The following PAPSS1 variants were observed in gnomAD, a reference collection of about 807,000 sequenced individuals.
The protein encoded by PAPSS1 is 3'-phosphoadenosine 5'-phosphosulfate synthase 1.
In PAPSS1, 50 loss-of-function variants were observed where a neutral mutation model predicts 72.0. That is an observed-to-expected ratio of 0.69 (90% CI 0.55 to 0.88). The LOEUF is 0.88. Among genes scored for constraint, PAPSS1 ranks in the 40% least tolerant of loss-of-function variants. The pLI, the probability that PAPSS1 is intolerant of heterozygous loss-of-function variation, is 0.00. For missense variants in PAPSS1, 657 were observed against 782.2 expected (o/e 0.84, Z 1.91); for synonymous variants, 261 against 263.6 (o/e 0.99, Z 0.09).
At chr4:107,641,470 C>A (rs2110309392) in intron 10 of PAPSS1, among the ~76,000 whole-genome samples, 1 of 152,306 alleles carries the variant, frequency 6.6e-6, no homozygotes, top group East Asian at 1.9e-4. Context: ...GAATAAAGTT[C>A]TGTTTTTATT....
intron 10 of PAPSS1, among the ~76,000 whole-genome samples, chr4:107,638,104 C>G (rs1279169074): frequency 2.0e-5 from 3 of 152,142 alleles, no homozygotes; most frequent in African/African-American, 7.2e-5. Context: ...TTTTGGTCTT[C>G]TTTGTATTAA....
At chr4:107,637,478 C>T (rs1726418801) in intron 10 of PAPSS1, among the ~76,000 whole-genome samples, 1 of 152,134 alleles carries the variant, frequency 6.6e-6, no homozygotes, top group Non-Finnish European at 1.5e-5. Flanking sequence ...ACCATTCTCT[C>T]CCCACACCTG....
At chr4:107,655,327 C>T (rs1726974936) in intron 7 of PAPSS1, among the ~76,000 whole-genome samples, 1 of 152,104 alleles carries the variant, frequency 6.6e-6, no homozygotes, top group African/African-American at 2.4e-5. Context: ...TTGTTGATAA[C>T]AGGATGACAT....
intron 9 of PAPSS1, among the ~76,000 whole-genome samples, 179 bp from the exon 10 acceptor site, chr4:107,645,249 A>G (rs779949724): frequency 6.6e-6 from 1 of 152,058 alleles, no homozygotes; most frequent in Non-Finnish European, 1.5e-5. Context: ...TTAGGATAAC[A>G]TGACCTATAC....
chr4:107,639,235 T>C (rs1158401909), intron 10 of PAPSS1, among the ~76,000 whole-genome samples: 1 of 152,194 alleles, frequency 6.6e-6, no homozygotes, highest in East Asian at 1.9e-4. Context: ...TGCTTCCTAA[T>C]GAAATAAGTT....
At chr4:107,646,066 A>G (rs779953950) in intron 9 of PAPSS1, among the ~76,000 whole-genome samples, 1 of 152,204 alleles carries the variant, frequency 6.6e-6, no homozygotes, top group Non-Finnish European at 1.5e-5. Flanking sequence ...ACCTTTATAC[A>G]TGAACAGAAC....
chr4:107,646,953 C>A (rs867436986), intron 9 of PAPSS1, among the ~76,000 whole-genome samples: 2 of 152,324 alleles, frequency 1.3e-5, no homozygotes, highest in African/African-American at 4.8e-5. Flanking sequence ...ATTTGCAGCA[C>A]ACTAATTACC....
intron 5 of PAPSS1, among the ~76,000 whole-genome samples, chr4:107,661,754 A>T (rs965184692): frequency 1.3e-5 from 2 of 152,186 alleles, no homozygotes; most frequent in Admixed American, 6.5e-5. Flanking sequence ...TGAGGAATAG[A>T]TGACCTCTAG....
intron 7 of PAPSS1, among the ~76,000 whole-genome samples, chr4:107,656,070 G>C (rs771158321): frequency 5.9e-5 from 9 of 151,994 alleles, no homozygotes; most frequent in South Asian, 2.1e-4. Flanking sequence ...AAAATTAAAG[G>C]CTGCTGCATT....
intron 11 of PAPSS1, among the ~76,000 whole-genome samples, chr4:107,621,535 C>G (rs7660399): frequency 0.044 from 6,524 of 149,160 alleles, 449 homozygotes; most frequent in African/African-American, 0.15. Flanking sequence ...CTTATTCACC[C>G]AAGAATGCAT....
At chr4:107,689,357 C>T (rs1049361378) in intron 3 of PAPSS1, among the ~76,000 whole-genome samples, 3 of 152,112 alleles carry the variant, frequency 2.0e-5, no homozygotes, top group Admixed American at 6.5e-5. Flanking sequence ...ACAACCCAAC[C>T]CCTACCAGCA....
chr4:107,713,325 G>A (rs1399740477), intron 1 of PAPSS1, among the ~76,000 whole-genome samples: 1 of 152,140 alleles, frequency 6.6e-6, no homozygotes, highest in African/African-American at 2.4e-5. Flanking sequence ...CAGGGGCTAG[G>A]AGAAAATGCA....
intron 1 of PAPSS1, among the ~76,000 whole-genome samples, chr4:107,709,792 C>T (rs1379157597): frequency 6.6e-6 from 1 of 152,186 alleles, no homozygotes; most frequent in Non-Finnish European, 1.5e-5. Flanking sequence ...GCACCCATTG[C>T]CTTGCCAACC....
At chr4:107,696,547 C>T (rs776519978) in intron 2 of PAPSS1, among the ~76,000 whole-genome samples, 27 of 151,992 alleles carry the variant, frequency 1.8e-4, no homozygotes, top group Admixed American at 5.2e-4. Context: ...GAACAACATA[C>T]ACTAGGGCCT....
At chr4:107,666,804 C>T (rs1727329969) in intron 5 of PAPSS1, among the ~76,000 whole-genome samples, 1 of 152,202 alleles carries the variant, frequency 6.6e-6, no homozygotes, top group African/African-American at 2.4e-5. Context: ...CAAACACCTT[C>T]ATTCTCTGGG....
chr4:107,660,530 A>G (rs1046190844), intron 5 of PAPSS1, among the ~76,000 whole-genome samples: 1 of 152,178 alleles, frequency 6.6e-6, no homozygotes, highest in African/African-American at 2.4e-5. Context: ...CTAGAATGTC[A>G]GCTTTACTTC....
At chr4:107,657,868 A>T (rs1182274210) in intron 6 of PAPSS1, among the ~76,000 whole-genome samples, 1 of 152,214 alleles carries the variant, frequency 6.6e-6, no homozygotes, top group Non-Finnish European at 1.5e-5. Flanking sequence ...CATTTCATAG[A>T]GAAGACTTCA....
intron 4 of PAPSS1, among the ~76,000 whole-genome samples, chr4:107,682,460 A>G (rs908183283): frequency 1.3e-5 from 2 of 152,232 alleles, no homozygotes; most frequent in African/African-American, 4.8e-5. Context: ...TTTCGCTGGG[A>G]ACTGTGTCAG....
At chr4:107,712,951 T>TA (rs886667346) in intron 1 of PAPSS1, among the ~76,000 whole-genome samples, 17 of 145,306 alleles carry the variant, frequency 1.2e-4, no homozygotes, top group South Asian at 2.2e-4. Context: ...AATGAACTAT[T>TA]AAAAAAAAAA....
Sources: gnomAD v4.1 joint callset for allele counts (sites outside exome capture counted in the v4.1 genomes callset) on GRCh38, gnomAD v4.1.1 for gene constraint, MANE v1.5 for transcripts, NCBI Gene and HGNC (gene_info 2026-07-23, HGNC 2026-07-21) for gene names.